The following GRID2 variants were observed in gnomAD, a reference collection of about 807,000 sequenced individuals.
The protein encoded by GRID2 is glutamate receptor ionotropic, delta-2.
GRID2 carries 33 observed loss-of-function variants against 114.8 expected under a neutral mutation model. The observed-to-expected ratio is 0.29, with a 90% CI of 0.22 to 0.38. The LOEUF (loss-of-function observed/expected upper bound fraction) is 0.38. Ranked by LOEUF, GRID2 falls within the 10% of genes least tolerant of loss-of-function variation. The pLI is 1.00. For missense variants in GRID2, 1,184 were observed against 1,257.7 expected (o/e 0.94, Z 0.89); for synonymous variants, 505 against 449.9 (o/e 1.12, Z -1.55).
intron 8 of GRID2, among the ~76,000 whole-genome samples, chr4:93,328,742 G>GATGGATGT (rs1553910682): frequency 6.6e-6 from 1 of 151,086 alleles, no homozygotes; most frequent in African/African-American, 2.4e-5. Context: ...TGGATGGATG[G>GATGGATGT]ATGGATAGAC....
intron 2 of GRID2, among the ~76,000 whole-genome samples, chr4:92,990,889 T>C (rs1484037979): frequency 6.6e-6 from 1 of 152,172 alleles, no homozygotes; most frequent in Non-Finnish European, 1.5e-5. Context: ...AGTCTGAATG[T>C]ACTTTAGTTC....
intron 2 of GRID2, among the ~76,000 whole-genome samples, chr4:92,795,310 C>T (rs1478363141): frequency 6.6e-6 from 1 of 151,806 alleles, no homozygotes. Context: ...ATATTGAATA[C>T]GTCTCAAGAG....
At chr4:93,314,866 C>G (rs956190756) in intron 8 of GRID2, among the ~76,000 whole-genome samples, 10 of 151,932 alleles carry the variant, frequency 6.6e-5, no homozygotes, top group African/African-American at 9.7e-5. Flanking sequence ...GGTTTTATGA[C>G]AGGATATTTA....
At chr4:93,778,393 C>CTTTTTTTTTT (rs36000401), downstream of GRID2, among the ~76,000 whole-genome samples, 2 of 98,600 alleles carry the variant, frequency 2.0e-5, no homozygotes, top group Admixed American at 1.3e-4. Context: ...TCTCATTTGG[C>CTTTTTTTTTT]TTTTTTTTTT....
intron 2 of GRID2, among the ~76,000 whole-genome samples, chr4:93,013,624 A>G (rs986972937): frequency 6.6e-6 from 1 of 152,062 alleles, no homozygotes; most frequent in South Asian, 2.1e-4. Flanking sequence ...TTTAGTATAC[A>G]TGTATGTATT....
chr4:93,764,894 T>G (rs1232107339), intron 14 of GRID2, among the ~76,000 whole-genome samples: 1 of 152,122 alleles, frequency 6.6e-6, no homozygotes, highest in African/African-American at 2.4e-5. Flanking sequence ...CTTGTGTTTA[T>G]TAAGAATTTT....
At chr4:93,176,606 G>C (rs978049279) in intron 4 of GRID2, among the ~76,000 whole-genome samples, 2 of 152,122 alleles carry the variant, frequency 1.3e-5, no homozygotes, top group African/African-American at 4.8e-5. Context: ...TAACCGTAGT[G>C]TATCTAACAA....
At chr4:93,344,523 A>T (rs1010686018) in intron 8 of GRID2, among the ~76,000 whole-genome samples, 2 of 151,530 alleles carry the variant, frequency 1.3e-5, no homozygotes, top group Non-Finnish European at 2.9e-5. Context: ...TGAAATGATT[A>T]AATCAAGCTA....
At chr4:93,592,186 G>A (rs1241815088) in intron 13 of GRID2, among the ~76,000 whole-genome samples, 4 of 151,612 alleles carry the variant, frequency 2.6e-5, no homozygotes, top group African/African-American at 4.9e-5. Flanking sequence ...TTTCTCTTGT[G>A]GGCATTTAGT....
At chr4:92,645,935 T>C (rs1198091239) in intron 2 of GRID2, among the ~76,000 whole-genome samples, 1 of 151,796 alleles carries the variant, frequency 6.6e-6, no homozygotes, top group Admixed American at 6.6e-5. Flanking sequence ...AGAGAAGTCA[T>C]CTTATGTGAA....
chr4:93,803,122 T>A (rs980644024), intron 1 of GRID2, among the ~76,000 whole-genome samples: 2 of 152,224 alleles, frequency 1.3e-5, no homozygotes, highest in African/African-American at 4.8e-5. Flanking sequence ...ACTACAGTGA[T>A]CTTTAAATTC....
intron 2 of GRID2, among the ~76,000 whole-genome samples, chr4:92,661,869 C>T (rs1213527269): frequency 6.6e-6 from 1 of 150,904 alleles, no homozygotes; most frequent in Admixed American, 6.6e-5. Flanking sequence ...AGGGTAAATG[C>T]ATATTTCTAA....
intron 2 of GRID2, among the ~76,000 whole-genome samples, chr4:92,751,982 T>C (rs1217064295): frequency 6.6e-6 from 1 of 152,186 alleles, no homozygotes; most frequent in African/African-American, 2.4e-5. Flanking sequence ...GGTGACCTTG[T>C]AGTGAATTTT....
intron 2 of GRID2, among the ~76,000 whole-genome samples, chr4:92,914,454 C>T (rs1409032872): frequency 6.6e-6 from 1 of 151,924 alleles, no homozygotes; most frequent in Non-Finnish European, 1.5e-5. Flanking sequence ...AGTGTAAGTG[C>T]AGGTTTGTTA....
intron 14 of GRID2, among the ~76,000 whole-genome samples, chr4:93,724,410 A>C (rs1328344515): frequency 6.6e-6 from 1 of 152,144 alleles, no homozygotes; most frequent in Non-Finnish European, 1.5e-5. Flanking sequence ...GTTACTTATT[A>C]TGCTTTTAAC....
chr4:93,645,884 T>C (rs1488895029), intron 14 of GRID2, among the ~76,000 whole-genome samples: 1 of 152,198 alleles, frequency 6.6e-6, no homozygotes, highest in Non-Finnish European at 1.5e-5. Context: ...TACACTTCCT[T>C]TTTCATCTTC....
chr4:92,787,809 C>T (rs1488658406), intron 2 of GRID2, among the ~76,000 whole-genome samples: 1 of 151,778 alleles, frequency 6.6e-6, no homozygotes, highest in African/African-American at 2.4e-5. Context: ...AGAGATGGTG[C>T]TGCCTCCTAC....
chr4:93,281,657 TC>T (rs1021998090), intron 8 of GRID2, among the ~76,000 whole-genome samples: 1 of 151,962 alleles, frequency 6.6e-6, no homozygotes, highest in Non-Finnish European at 1.5e-5. Context: ...TTTGAATAGT[TC>T]CAAAGCTGTA....
intron 9 of GRID2, among the ~76,000 whole-genome samples, chr4:93,406,135 C>G (rs766386590): frequency 6.6e-6 from 1 of 152,052 alleles, no homozygotes; most frequent in African/African-American, 2.4e-5. Flanking sequence ...AATTTACTCC[C>G]AGCCATGATG....
Sources: gnomAD v4.1 joint callset for allele counts (sites outside exome capture counted in the v4.1 genomes callset) on GRCh38, gnomAD v4.1.1 for gene constraint, MANE v1.5 for transcripts, NCBI Gene and HGNC (gene_info 2026-07-23, HGNC 2026-07-21) for gene names.